The following PCDHGB1 variants were observed in gnomAD, a reference collection of about 807,000 sequenced individuals.
PCDHGB1 encodes the protein protocadherin gamma-B1.
In PCDHGB1, 34 loss-of-function variants were observed where a neutral mutation model predicts 56.6. The ratio of observed to expected loss-of-function variants is 0.60; its 90% CI spans 0.46 to 0.80. The LOEUF (loss-of-function observed/expected upper bound fraction) is 0.80. Among genes scored for constraint, PCDHGB1 ranks in the 30% least tolerant of loss-of-function variants. The probability of loss-of-function intolerance (pLI) is 0.00; values close to 1 mark genes in which losing one functional copy is unlikely to be tolerated. For missense variants in PCDHGB1, 1,278 were observed against 1,204.6 expected (o/e 1.06, Z -0.90); for synonymous variants, 561 against 505.9 (o/e 1.11, Z -1.46).
At chr5:141,498,346 C>T (rs780832000) in intron 2 of PCDHGB1, among the ~76,000 whole-genome samples, 1 of 150,796 alleles carries the variant, frequency 6.6e-6, no homozygotes, top group Non-Finnish European at 1.5e-5. Context: ...ATGGGAAAAG[C>T]CTATGCAAAA....
chr5:141,364,937 G>C (rs760754992), intron 1 of PCDHGB1: 16 of 1,613,830 alleles, frequency 9.9e-6, no homozygotes, highest in Middle Eastern at 1.6e-4. Context: ...CCTAGACCGC[G>C]AGAAAGAGAC....
chr5:141,404,826 A>C lies in PCDHGB1; in HGVS notation c.2409+52157A>C, dbSNP rs771996319. 2.5e-6 allele frequency: 4 copies of C among 1,613,710 alleles called. No individual in the cohort carries two copies. In the South Asian group the frequency reaches 3.3e-5, roughly 13 times the overall value. The stretch of plus-strand genomic sequence containing the variant: ...TTCTCGGTGGGGCTGCACACAGGTG[A>C]AGTGCGCACAGCTCGGGCCCTGCTA... On this transcript the variant is annotated intron_variant, in intron 1 of 3. Transcript: ENST00000523390.
chr5:141,352,315 G>GT lies in PCDHGB1; in HGVS notation c.2059dup (p.Tyr687LeufsTer34). 2.5e-6 allele frequency: 4 copies of GT among 1,614,064 alleles called. No homozygotes were observed. The highest frequency in any genetic ancestry group is 3.4e-6 in the Non-Finnish European group (4 of 1,179,900). On this transcript the variant is annotated frameshift_variant, in exon 1 of 4. Coordinates refer to ENST00000523390, the MANE Select transcript of PCDHGB1 (RefSeq NM_018922.3). LOFTEE classifies it high-confidence loss of function. ...CCTCTGACCCCCAGACGGAACTGCA[G>GT]TTTTACCTGGTTGTGGCCTTGGCCT...
At chr5:141,379,889 C>CT (rs70988800) in intron 1 of PCDHGB1, among the ~76,000 whole-genome samples, 813 of 50,762 alleles carry the variant, frequency 0.016, 203 homozygotes, top group Non-Finnish European at 0.022. Flanking sequence ...GTGAAAGCCT[C>CT]TTTTTTTTTT....
At chr5:141,407,415 A>C (rs1561707597) in intron 1 of PCDHGB1, among the ~76,000 whole-genome samples, 1 of 152,228 alleles carries the variant, frequency 6.6e-6, no homozygotes, top group Non-Finnish European at 1.5e-5. Flanking sequence ...TCGATACCAC[A>C]AAAATGTCTC....
chr5:141,376,360 C>A lies in PCDHGB1; in HGVS notation c.2409+23691C>A, dbSNP rs1772602166. The stretch of plus-strand genomic sequence containing the variant: ...AGACCTATTCCCACGAGGTCTCACT[C>A]ACTGCAGACTCGCGTAAGAGTCATC... On this transcript the variant is annotated intron_variant, in intron 1 of 3. Transcript: ENST00000523390. 5 of 1,614,236 alleles carry A rather than the reference C, an allele frequency of 3.1e-6. No homozygotes were observed. In the African/African-American group the frequency reaches 6.7e-5, roughly 22 times the overall value.
intron 1 of PCDHGB1, among the ~76,000 whole-genome samples, chr5:141,469,108 C>A (rs923728484): frequency 4.0e-5 from 6 of 151,768 alleles, no homozygotes; most frequent in Non-Finnish European, 5.9e-5. Context: ...AAGAACCTGT[C>A]TCTAAAAAAA....
chr5:141,490,874 A>C lies in PCDHGB1; in HGVS notation c.2410-3933A>C. 1 of 1,613,948 alleles carries C rather than the reference A, an allele frequency of 6.2e-7. No homozygotes were observed. The highest frequency in any genetic ancestry group is 1.3e-5 in the African/African-American group (1 of 75,054). The stretch of plus-strand genomic sequence containing the variant: ...CGAGACTCCGGCTCTCCCCCATTGC[A>C]TGCCAACACATCTCTGCATGTGTTT... On this transcript the variant is annotated intron_variant, in intron 1 of 3. Coordinates refer to ENST00000523390, the MANE Select transcript of PCDHGB1 (RefSeq NM_018922.3). The surrounding 1 kb of genome is among the most constrained non-coding windows in gnomAD (Gnocchi z 5.4).
At chr5:141,365,770 C>G in intron 1 of PCDHGB1, 4 of 1,613,918 alleles carry the variant, frequency 2.5e-6, no homozygotes, top group Non-Finnish European at 3.4e-6. Context: ...ATGACCCCGA[C>G]AGCGGCGACA....
At chr5:141,375,793 C>T (rs761231690) in intron 1 of PCDHGB1, 4 of 1,614,110 alleles carry the variant, frequency 2.5e-6, no homozygotes, top group East Asian at 4.5e-5. Context: ...TCCCCACAGA[C>T]GGTTCCACTG....
At chr5:141,374,520 C>G (rs1178494066) in intron 1 of PCDHGB1, 3 of 1,612,422 alleles carry the variant, frequency 1.9e-6, no homozygotes, top group Non-Finnish European at 2.5e-6. Flanking sequence ...CTCGAAAACG[C>G]AGCTCCATCC....
chr5:141,458,823 C>T (rs1185812086), intron 1 of PCDHGB1, among the ~76,000 whole-genome samples: 1 of 152,126 alleles, frequency 6.6e-6, no homozygotes, highest in African/African-American at 2.4e-5. Flanking sequence ...ACCTCTGCCT[C>T]CCAGGCTCAA....
At chr5:141,503,743 G>C (rs1465272424) in intron 2 of PCDHGB1, among the ~76,000 whole-genome samples, 1 of 152,126 alleles carries the variant, frequency 6.6e-6, no homozygotes, top group Non-Finnish European at 1.5e-5. Context: ...TGATGGTATA[G>C]AGGTCACACA....
At chr5:141,379,974 A>ACTGCAACTTC (rs1471397851) in intron 1 of PCDHGB1, among the ~76,000 whole-genome samples, 23 of 128,142 alleles carry the variant, frequency 1.8e-4, no homozygotes, top group African/African-American at 6.6e-4. Context: ...ATCTCTGCTC[A>ACTGCAACTTC]CTGCAACTTC....
At position 141,489,378 on chromosome 5, in the gene PCDHGB1, G is replaced by A. The variant is rs1562129701; in HGVS notation, c.2410-5429G>A. ...AGTCTGAGCCGGGGACGCTGGTGGGGAATGTTGCTCAGGATCTGGGCTTAA... is the reference window on the plus strand; with the variant it reads ...AGTCTGAGCCGGGGACGCTGGTGGGAAATGTTGCTCAGGATCTGGGCTTAA... On this transcript the variant is annotated intron_variant, in intron 1 of 3. Coordinates refer to ENST00000523390, the MANE Select transcript of PCDHGB1 (RefSeq NM_018922.3). The surrounding 1 kb of genome is among the most constrained non-coding windows in gnomAD (Gnocchi z 4.5). 1.2e-6 allele frequency: 2 copies of A among 1,613,908 alleles called. No homozygotes were observed. The highest frequency in any genetic ancestry group is 3.3e-5 in the Admixed American group (2 of 60,026).
chr5:141,428,050 T>C (rs1222417053), intron 1 of PCDHGB1: 1 of 1,608,844 alleles, frequency 6.2e-7, no homozygotes, highest in Non-Finnish European at 8.5e-7. Flanking sequence ...GTGACCAAGG[T>C]GGTGGCGGTG....
intron 1 of PCDHGB1, chr5:141,375,405 A>G (rs1472795802): frequency 6.2e-7 from 1 of 1,613,932 alleles, no homozygotes; most frequent in South Asian, 1.1e-5. Context: ...ATCTCTCTAA[A>G]TGTGGCAGAC....
Position 141,383,965 on chromosome 5 carries a change from A to G in PCDHGB1, c.2409+31296A>G, listed in dbSNP as rs1208203107. ...GACTATGACGTCTTTAAGTAGCTCA[A>G]TCCCTGAAGACACACCTCTTGGGAC... On this transcript the variant is annotated intron_variant, in intron 1 of 3. Coordinates refer to ENST00000523390, the MANE Select transcript of PCDHGB1 (RefSeq NM_018922.3). 1 of 1,613,598 alleles carries G rather than the reference A, an allele frequency of 6.2e-7. No individual in the cohort carries two copies. The highest frequency in any genetic ancestry group is 2.2e-5 in the East Asian group (1 of 44,892).
At chr5:141,405,188 G>T (rs2094622261) in intron 1 of PCDHGB1, 1 of 1,613,954 alleles carries the variant, frequency 6.2e-7, no homozygotes, top group African/African-American at 1.3e-5. Context: ...TGTAGATGGG[G>T]TTCGAGCTTT....
Sources: gnomAD v4.1 joint callset for allele counts (sites outside exome capture counted in the v4.1 genomes callset) on GRCh38, gnomAD v4.1.1 for gene constraint, Gnocchi (gnomAD v3.1) non-coding constraint, MANE v1.5 for transcripts, NCBI Gene and HGNC (gene_info 2026-07-23, HGNC 2026-07-21) for gene names.